The following LRP1B variants were observed in gnomAD, a reference collection of about 807,000 sequenced individuals.
LRP1B encodes the protein LDL receptor related protein 1B.
In LRP1B, 217 loss-of-function variants were observed where a neutral mutation model predicts 556.6. The ratio of observed to expected loss-of-function variants is 0.39; its 90% confidence interval spans 0.35 to 0.44. LRP1B has a LOEUF of 0.44. Among genes scored for constraint, LRP1B ranks in the 20% least tolerant of loss-of-function variants. LRP1B has a pLI of 1.00. For missense variants in LRP1B, 5,053 were observed against 5,620.8 expected (o/e 0.90, Z 3.23); for synonymous variants, 2,047 against 1,865.8 (o/e 1.10, Z -2.50).
intron 86 of LRP1B, among the ~76,000 whole-genome samples, chr2:140,255,689 C>A (rs1341717731): frequency 6.6e-6 from 1 of 152,104 alleles, no homozygotes; most frequent in Non-Finnish European, 1.5e-5. Flanking sequence ...ATGGAAGAGG[C>A]ATAGTTGAAT....
In LRP1B at chr2:140,868,119, C is replaced by T. The variant is rs137902435; in HGVS notation, c.4314G>A (p.Arg1438=). ...TAAACCTGGCGTCTGTCCACACTAT[C>T]CTTTTCTCAAAGTGGTCCACAGTTA... is the stretch of plus-strand genomic sequence containing the variant. ...NGLTVDHFEK[R]IVWTDARSDA... is the part of the protein sequence containing the mutation. Residue 1438 remains arginine, a synonymous_variant, in exon 26 of 91, where the codon AGG becomes AGA. Transcript: ENST00000389484. 1.2e-6 allele frequency: 2 copies of T among 1,602,396 alleles called. No homozygotes were observed. The highest frequency in any genetic ancestry group is 2.7e-5 in the African/African-American group (2 of 73,974).
At chr2:140,335,974 A>G (rs1681071090) in intron 77 of LRP1B, 136 bp from the exon 78 acceptor site, 1 of 634,024 alleles carries the variant, frequency 1.6e-6, no homozygotes, top group Non-Finnish European at 2.9e-6. Flanking sequence ...TGTCAAAAAG[A>G]TATTTAATGC....
intron 1 of LRP1B, among the ~76,000 whole-genome samples, chr2:141,965,810 A>G (rs1701546083): frequency 6.7e-6 from 1 of 148,638 alleles, no homozygotes; most frequent in Non-Finnish European, 1.5e-5. Flanking sequence ...AAAAAAAAAA[A>G]AAAGAAAATT....
chr2:140,974,911 T>G (rs951091164), intron 18 of LRP1B, among the ~76,000 whole-genome samples: 5 of 152,178 alleles, frequency 3.3e-5, no homozygotes, highest in African/African-American at 1.2e-4. Context: ...AATTGTGTGG[T>G]TCCTGAGAAG....
At chr2:142,118,959 CAA>C (rs1485415718) in intron 1 of LRP1B, among the ~76,000 whole-genome samples, 1 of 152,064 alleles carries the variant, frequency 6.6e-6, no homozygotes, top group African/African-American at 2.4e-5. Flanking sequence ...GCCAAATTAT[CAA>C]AGAGGGTTTG....
intron 1 of LRP1B, among the ~76,000 whole-genome samples, chr2:141,981,895 T>G (rs867824900): frequency 1.3e-5 from 2 of 152,054 alleles, no homozygotes; most frequent in African/African-American, 4.8e-5. Flanking sequence ...TTGCTGGGTA[T>G]CTCCACCTTC....
intron 2 of LRP1B, among the ~76,000 whole-genome samples, chr2:141,585,265 T>C (rs1687095934): frequency 6.6e-6 from 1 of 152,204 alleles, no homozygotes; most frequent in South Asian, 2.1e-4. Context: ...TATTTTTCTA[T>C]GCTATTTATC....
At chr2:141,266,020 G>A (rs143666647) in intron 3 of LRP1B, among the ~76,000 whole-genome samples, 1 of 152,076 alleles carries the variant, frequency 6.6e-6, no homozygotes, top group Non-Finnish European at 1.5e-5. Context: ...TCTGTGTCAG[G>A]GAGAGTAGGA....
chr2:141,899,032 T>A (rs570599534), intron 1 of LRP1B, among the ~76,000 whole-genome samples: 1 of 152,134 alleles, frequency 6.6e-6, no homozygotes, highest in East Asian at 1.9e-4. Context: ...CTAAAATGTG[T>A]GTTTATGATT....
At chr2:140,792,283 T>C (rs1454275858) in intron 32 of LRP1B, among the ~76,000 whole-genome samples, 1 of 152,114 alleles carries the variant, frequency 6.6e-6, no homozygotes, top group Non-Finnish European at 1.5e-5. Context: ...AATCTATCCT[T>C]TGTTAGTTTA....
chr2:140,458,874 CA>C (rs1255667278), intron 60 of LRP1B, among the ~76,000 whole-genome samples: 33 of 151,762 alleles, frequency 2.2e-4, no homozygotes, highest in African/African-American at 7.2e-4. Context: ...TCAGATAATT[CA>C]CTACAACTAA....
At chr2:140,820,048 G>C (rs562736209) in intron 31 of LRP1B, among the ~76,000 whole-genome samples, 1 of 152,222 alleles carries the variant, frequency 6.6e-6, no homozygotes, top group African/African-American at 2.4e-5. Context: ...CGCCCAGGCT[G>C]GAGTGCAGTG....
At chr2:141,661,951 A>T (rs1394145425) in intron 2 of LRP1B, among the ~76,000 whole-genome samples, 1 of 152,200 alleles carries the variant, frequency 6.6e-6, no homozygotes, top group East Asian at 1.9e-4. Flanking sequence ...GTCACGTACA[A>T]AGGAAAGTCT....
At chr2:142,067,674 CT>C (rs1305142117) in intron 1 of LRP1B, among the ~76,000 whole-genome samples, 1 of 151,466 alleles carries the variant, frequency 6.6e-6, no homozygotes, top group East Asian at 1.9e-4. Context: ...ATTATTTAGA[CT>C]GAAATAATCC....
At chr2:140,384,899 T>C (rs1278211027) in intron 67 of LRP1B, among the ~76,000 whole-genome samples, 3 of 152,204 alleles carry the variant, frequency 2.0e-5, no homozygotes, top group Non-Finnish European at 4.4e-5. Flanking sequence ...ATTATCTTAT[T>C]TTAAACATGC....
At chr2:141,450,258 C>T (rs2105020794) in intron 3 of LRP1B, among the ~76,000 whole-genome samples, 1 of 152,240 alleles carries the variant, frequency 6.6e-6, no homozygotes. Flanking sequence ...TTCTGATATA[C>T]AAGCTAATAG....
intron 66 of LRP1B, among the ~76,000 whole-genome samples, chr2:140,426,032 AGTAGAATATT>A (rs1685636531): frequency 6.6e-6 from 1 of 152,226 alleles, no homozygotes; most frequent in Non-Finnish European, 1.5e-5. Context: ...TAATTATACA[AGTAGAATATT>A]AAAGAAAACA....
intron 2 of LRP1B, among the ~76,000 whole-genome samples, chr2:141,579,723 A>ATTTTT (rs1559153915): frequency 6.4e-5 from 2 of 31,148 alleles, no homozygotes; most frequent in Admixed American, 5.0e-4. Context: ...ATCAGGTTTC[A>ATTTTT]CTTTTTTTTT....
At chr2:141,194,952 T>A (rs1681689327) in intron 6 of LRP1B, among the ~76,000 whole-genome samples, 1 of 152,082 alleles carries the variant, frequency 6.6e-6, no homozygotes, top group Non-Finnish European at 1.5e-5. Flanking sequence ...AATATTTTAG[T>A]ACCAAAACAA....
Sources: allele counts gnomAD v4.1 joint callset (sites outside exome capture counted in the v4.1 genomes callset), GRCh38; gene constraint gnomAD v4.1.1; transcripts MANE v1.5; gene names NCBI Gene and HGNC (gene_info 2026-07-23, HGNC 2026-07-21).